Variants in C22orf39 observed in about 807,000 individuals in gnomAD.
C22orf39 encodes the protein chromosome 22 open reading frame 39.
Under a neutral mutation model 18.3 loss-of-function variants are expected in C22orf39, and 20 were observed. That is an observed-to-expected ratio of 1.09 (90% CI 0.77 to 1.59). The LOEUF is 1.59. Ranked by LOEUF, C22orf39 falls within the 40% of genes most tolerant of loss-of-function variation. The probability of loss-of-function intolerance (pLI) is 0.00; values close to 1 mark genes in which losing one functional copy is unlikely to be tolerated. For synonymous variants in C22orf39, 63 were observed against 59.6 expected (o/e 1.06, Z -0.26); for missense variants, 195 against 156.1 (o/e 1.25, Z -1.33).
At position 19,441,318 on chromosome 22, in the gene C22orf39, T is replaced by G; in HGVS notation, c.*2947A>C. 1 of 268,434 alleles carries G rather than the reference T, an allele frequency of 3.7e-6. No individual in the cohort carries two copies. The highest frequency in any genetic ancestry group is 5.2e-5 in the Admixed American group (1 of 19,170). 16.6% of individuals were successfully genotyped at this position (268,434 alleles called of 1,614,324 possible). On this transcript the variant is annotated 3_prime_UTR_variant, in exon 3 of 3. Transcript: ENST00000399562. Reference sequence around the variant, plus strand: ...CCTGCTACATGTATGTTTTCAAGATTGGCTGTTTTTGCTCTGAAGAATTTC... The same window carrying G: ...CCTGCTACATGTATGTTTTCAAGATGGGCTGTTTTTGCTCTGAAGAATTTC...
chr22:19,447,392 TC>T lies in C22orf39; in HGVS notation c.177del (p.Asn60ThrfsTer109). 1 of 1,502,866 alleles carries T rather than the reference TC, an allele frequency of 6.7e-7. No individual in the cohort carries two copies. Among genetic ancestry groups the T allele is most frequent in the Non-Finnish European group, 8.8e-7 (1 of 1,133,610 alleles). 93.1% of individuals were successfully genotyped at this position (1,502,866 alleles called of 1,614,324 possible). ...LASCRDWEER[R>X]NAEAQQSLCE... ...TCCCGGCGCACCTGGGCCTCGGCGT[TC>T]CGGCGCTCCTCCCAGTCGCGGCAGC... On this transcript the variant is annotated frameshift_variant, in exon 2 of 3. Transcript: ENST00000399562. LOFTEE classifies it high-confidence loss of function.
intron 2 of C22orf39, among the ~76,000 whole-genome samples, chr22:19,444,852 G>A (rs2089632180): frequency 1.3e-5 from 2 of 152,114 alleles, no homozygotes; most frequent in Non-Finnish European, 2.9e-5. Flanking sequence ...TGGGTATCCT[G>A]GAAGGGTGGG....
chr22:19,444,462 A>C, intron 2 of C22orf39, 72 bp from the exon 3 acceptor site: 10 of 1,499,276 alleles, frequency 6.7e-6, no homozygotes, highest in South Asian at 1.2e-5. Flanking sequence ...CCCCCCTCTC[A>C]TCACCCTCTG....
In C22orf39 at chr22:19,442,100, A is replaced by T; in HGVS notation, c.*2165T>A. On this transcript the variant is annotated 3_prime_UTR_variant, in exon 3 of 3. Transcript: ENST00000399562. ...GCCACCACATCCAGCCACCGTTTTA[A>T]ATTCCTATTTATTGATGTTTAATGT... 6.1e-6 allele frequency: 1 copy of T among 163,832 alleles called. No individual in the cohort carries two copies. Among genetic ancestry groups the T allele is most frequent in the Non-Finnish European group, 1.3e-5 (1 of 75,320 alleles). The allele number at this position is 163,832 out of a possible 1,614,324, so 10.1% of individuals were successfully genotyped here.
At chr22:19,444,733 G>A (rs1452228556) in intron 2 of C22orf39, among the ~76,000 whole-genome samples, 1 of 152,184 alleles carries the variant, frequency 6.6e-6, no homozygotes, top group East Asian at 1.9e-4. Context: ...GAGTGAGCCT[G>A]GGGGTGCTGG....
Position 19,443,096 on chromosome 22 carries a change from C to CCCA in C22orf39, c.*1168_*1169insTGG. 3.5e-6 allele frequency: 3 copies of CCCA among 851,074 alleles called. No homozygotes were observed. The highest frequency in any genetic ancestry group is 1.9e-5 in the African/African-American group (1 of 52,600). 52.7% of individuals were successfully genotyped at this position (851,074 alleles called of 1,614,324 possible). A position where few individuals can be genotyped will look rare whatever the true frequency, so the allele number is the denominator to read the frequency against. On this transcript the variant is annotated 3_prime_UTR_variant, in exon 3 of 3. Coordinates refer to ENST00000399562, the MANE Select transcript of C22orf39 (RefSeq NM_173793.5). ...TGAGCACAACCCCCACCCCCACCCC[C>CCCA]ACTGTTCACAGACACAGGGGCTCTT...
At chr22:19,447,296 C>G in intron 2 of C22orf39, 82 bp downstream of exon 2, 1 of 1,333,774 alleles carries the variant, frequency 7.5e-7, no homozygotes. Context: ...GGCTAGGTCG[C>G]GGGGCATGGG....
chr22:19,447,228 T>A (rs891316336), intron 2 of C22orf39, 150 bp downstream of exon 2: 80 of 879,420 alleles, frequency 9.1e-5, no homozygotes, highest in Non-Finnish European at 1.2e-4. Context: ...ATATGCTAAT[T>A]TACACAATCT....
In C22orf39 at chr22:19,447,555, G is replaced by T; in HGVS notation, c.25-10C>A. The T allele has an allele frequency of 7.0e-7, 1 of 1,419,638 alleles. No homozygotes were observed. The highest frequency in any genetic ancestry group is 9.2e-7 in the Non-Finnish European group (1 of 1,092,242). 87.9% of individuals were successfully genotyped at this position (1,419,638 alleles called of 1,614,324 possible). On this transcript the variant is annotated splice_polypyrimidine_tract_variant and intron_variant, in intron 1 of 2. Coordinates refer to ENST00000399562, the MANE Select transcript of C22orf39 (RefSeq NM_173793.5). The stretch of plus-strand genomic sequence containing the variant: ...CGCAGGGGCGCGGCGGCTGCGGCGA[G>T]AGGCGGCGCCTGAGCGGGGCCCGGC...
chr22:19,443,718 G>A lies in C22orf39; in HGVS notation c.*547C>T, dbSNP rs995192694. The A allele has an allele frequency of 1.0e-6, 1 of 985,066 alleles. No individual in the cohort carries two copies. The highest frequency in any genetic ancestry group is 6.2e-5 in the Admixed American group (1 of 16,208). The allele number at this position is 985,066 out of a possible 1,614,324, so 61.0% of individuals were successfully genotyped here. On this transcript the variant is annotated 3_prime_UTR_variant, in exon 3 of 3. Transcript: ENST00000399562. ...AAGAAGTGAAGCCTGCTGGTGCAGA[G>A]GGGCCAGCAAGCCCTACCTGCTCGG... is the stretch of plus-strand genomic sequence containing the variant.
intron 2 of C22orf39, 92 bp from the exon 3 acceptor site, chr22:19,444,482 T>C (rs1191860296): frequency 5.7e-6 from 8 of 1,401,104 alleles, no homozygotes; most frequent in African/African-American, 1.5e-5. Flanking sequence ...GAAACACAGA[T>C]GGACAGGCAG....
At position 19,444,001 on chromosome 22, in the gene C22orf39, C is replaced by T; in HGVS notation, c.*264G>A. 1.7e-6 allele frequency: 2 copies of T among 1,211,202 alleles called. No homozygotes were observed. Among genetic ancestry groups the T allele is most frequent in the Non-Finnish European group, 2.1e-6 (2 of 973,980 alleles). 75.0% of individuals were successfully genotyped at this position (1,211,202 alleles called of 1,614,324 possible). ...TACCATGCCCAGCCTGACCTGGCTG[C>T]TCACAAGTACCTGCCATAATGCTTG... On this transcript the variant is annotated 3_prime_UTR_variant, in exon 3 of 3. Coordinates refer to ENST00000399562, the MANE Select transcript of C22orf39 (RefSeq NM_173793.5).
chr22:19,443,698 G>A lies in C22orf39; in HGVS notation c.*567C>T. On this transcript the variant is annotated 3_prime_UTR_variant, in exon 3 of 3. Coordinates refer to ENST00000399562, the MANE Select transcript of C22orf39 (RefSeq NM_173793.5). ...AGGGGCCGACCTGGGAGCCTAAGAA[G>A]TGAAGCCTGCTGGTGCAGAGGGGCC... 6.1e-6 allele frequency: 6 copies of A among 985,076 alleles called. No homozygotes were observed. The highest frequency in any genetic ancestry group is 7.2e-6 in the Non-Finnish European group (6 of 829,910). The allele number at this position is 985,076 out of a possible 1,614,324, so 61.0% of individuals were successfully genotyped here.
chr22:19,443,264 G>A lies in C22orf39; in HGVS notation c.*1001C>T, dbSNP rs923848127. 4.2e-5 allele frequency: 41 copies of A among 985,388 alleles called. No individual in the cohort carries two copies. The highest frequency in any genetic ancestry group is 4.7e-5 in the South Asian group (1 of 21,292). The allele number at this position is 985,388 out of a possible 1,614,324, so 61.0% of individuals were successfully genotyped here. A position where few individuals can be genotyped will look rare whatever the true frequency, so the allele number is the denominator to read the frequency against. On this transcript the variant is annotated 3_prime_UTR_variant, in exon 3 of 3. Coordinates refer to ENST00000399562, the MANE Select transcript of C22orf39 (RefSeq NM_173793.5). ...CCTGTGTCCAGGAAGAGAGCAGGGA[G>A]GGTGCTGGGCACAGACCCAGCCTAG...
In C22orf39 at chr22:19,441,920, A is replaced by C. The variant is rs913937427; in HGVS notation, c.*2345T>G. On this transcript the variant is annotated 3_prime_UTR_variant, in exon 3 of 3. Transcript: ENST00000399562. The stretch of plus-strand genomic sequence containing the variant: ...AACAATCCTCCTATCTCAGCCTCCG[A>C]AGTAGCTGGAACTACAAATGCACGC... 1 of 505,932 alleles carries C rather than the reference A, an allele frequency of 2.0e-6. No individual in the cohort carries two copies. Among genetic ancestry groups the C allele is most frequent in the African/African-American group, 2.0e-5 (1 of 49,908 alleles). 31.3% of individuals were successfully genotyped at this position (505,932 alleles called of 1,614,324 possible). A position where few individuals can be genotyped will look rare whatever the true frequency, so the allele number is the denominator to read the frequency against.
In C22orf39 at chr22:19,442,773, T is replaced by C. The variant is rs1356553009; in HGVS notation, c.*1492A>G. On this transcript the variant is annotated 3_prime_UTR_variant, in exon 3 of 3. Transcript: ENST00000399562. Reference sequence around the variant, plus strand: ...TAATAGAGATGGGGGGTTTCAACCATGTTGGCCAGGCTGGTCTCAAACTCC... The same window carrying C: ...TAATAGAGATGGGGGGTTTCAACCACGTTGGCCAGGCTGGTCTCAAACTCC... 6.6e-6 allele frequency: 1 copy of C among 152,178 alleles called. No individual in the cohort carries two copies. Among genetic ancestry groups the C allele is most frequent in the Non-Finnish European group, 1.5e-5 (1 of 68,044 alleles). 9.4% of individuals were successfully genotyped at this position (152,178 alleles called of 1,614,324 possible).
At position 19,447,364 on chromosome 22, in the gene C22orf39, C is replaced by A; in HGVS notation, c.192+14G>T. On this transcript the variant is annotated intron_variant, in intron 2 of 2. Transcript: ENST00000399562. Reference sequence around the variant, plus strand: ...AGGCGCTCCGAAGCGCCGCCCCGCTCCCTCCCGGCGCACCTGGGCCTCGGC... The same window carrying A: ...AGGCGCTCCGAAGCGCCGCCCCGCTACCTCCCGGCGCACCTGGGCCTCGGC... The A allele has an allele frequency of 6.8e-7, 1 of 1,476,098 alleles. No homozygotes were observed. The highest frequency in any genetic ancestry group is 8.9e-7 in the Non-Finnish European group (1 of 1,120,998). The allele number at this position is 1,476,098 out of a possible 1,614,324, so 91.4% of individuals were successfully genotyped here. A position where few individuals can be genotyped will look rare whatever the true frequency, so the allele number is the denominator to read the frequency against.
In C22orf39 at chr22:19,441,582, G is replaced by A. The variant is rs2089612639; in HGVS notation, c.*2683C>T. On this transcript the variant is annotated 3_prime_UTR_variant, in exon 3 of 3. Transcript: ENST00000399562. Reference sequence around the variant, plus strand: ...CTTGCTCTGTTGCCCAGGCTGGAGTGCAGTGGCACGATCATAGCTGACTGC... The same window carrying A: ...CTTGCTCTGTTGCCCAGGCTGGAGTACAGTGGCACGATCATAGCTGACTGC... 2.7e-6 allele frequency: 2 copies of A among 741,958 alleles called. No homozygotes were observed. The highest frequency in any genetic ancestry group is 5.4e-5 in the East Asian group (2 of 36,864). 46.0% of individuals were successfully genotyped at this position (741,958 alleles called of 1,614,324 possible).
Position 19,447,500 on chromosome 22 carries a change from G to A in C22orf39, c.70C>T (p.Arg24Cys). 8 of 1,495,578 alleles carry A rather than the reference G, an allele frequency of 5.3e-6. No individual in the cohort carries two copies. Among genetic ancestry groups the A allele is most frequent in the Non-Finnish European group, 7.1e-6 (8 of 1,129,092 alleles). 92.6% of individuals were successfully genotyped at this position (1,495,578 alleles called of 1,614,324 possible). A position where few individuals can be genotyped will look rare whatever the true frequency, so the allele number is the denominator to read the frequency against. Residue 24 changes from arginine to cysteine, a missense_variant, in exon 2 of 3, where the codon CGC (arginine) becomes TGC (cysteine). Physicochemically the swap from Arg to Cys is radical, Grantham distance 180. Transcript: ENST00000399562. ...TGGTGTAGGAAGTGCCTGGCGCTGCGGCAGAGCTTCCACTCGGCGCGGTAG... is the reference window on the plus strand; with the variant it reads ...TGGTGTAGGAAGTGCCTGGCGCTGCAGCAGAGCTTCCACTCGGCGCGGTAG... ...EAYRAEWKLC[R>C]SARHFLHHYY... is the part of the protein sequence containing the mutation.
Sources: gnomAD v4.1 joint callset for allele counts (sites outside exome capture counted in the v4.1 genomes callset) on GRCh38, gnomAD v4.1.1 for gene constraint, MANE v1.5 for transcripts, NCBI Gene and HGNC (gene_info 2026-07-23, HGNC 2026-07-21) for gene names.